Variants in MYO16 observed in about 807,000 individuals in gnomAD.
MYO16 encodes myosin XVI.
Under a neutral mutation model 205.3 loss-of-function variants are expected in MYO16, and 94 were observed. The observed-to-expected ratio is 0.46, with a 90% CI of 0.39 to 0.54. The LOEUF (loss-of-function observed/expected upper bound fraction) is 0.54. Among genes scored for constraint, MYO16 ranks in the 20% least tolerant of loss-of-function variants. The pLI, the probability that MYO16 is intolerant of heterozygous loss-of-function variation, is 0.00. For missense variants in MYO16, 2,315 were observed against 2,387.5 expected, an observed-to-expected ratio of 0.97 and a Z score of 0.63; for synonymous variants, 988 against 954.0, an observed-to-expected ratio of 1.04 and a Z score of -0.66.
At chr13:108,980,231 C>T (rs548144695) in intron 20 of MYO16, among the ~76,000 whole-genome samples, 1 of 152,200 alleles carries the variant, frequency 6.6e-6, no homozygotes, top group East Asian at 1.9e-4. Context: ...GCCAAAAAAT[C>T]CATTTAGCAT....
At chr13:108,726,396 T>C (rs1192586428) in intron 3 of MYO16, among the ~76,000 whole-genome samples, 1 of 151,702 alleles carries the variant, frequency 6.6e-6, no homozygotes, top group East Asian at 1.9e-4. Flanking sequence ...CCATCTCTAC[T>C]AAAAATACAA....
intron 22 of MYO16, among the ~76,000 whole-genome samples, chr13:109,015,378 G>A (rs900899804): frequency 6.6e-6 from 1 of 152,108 alleles, no homozygotes; most frequent in African/African-American, 2.4e-5. Flanking sequence ...ATTTTATTGA[G>A]GATTTTCGCA....
chr13:108,701,017 G>T (rs973773362), intron 2 of MYO16, among the ~76,000 whole-genome samples: 1 of 152,104 alleles, frequency 6.6e-6, no homozygotes, highest in Admixed American at 6.5e-5. Context: ...CTAAGCGAAG[G>T]CTGAGAGGTT....
the MYO16 span, among the ~76,000 whole-genome samples, chr13:108,563,056 A>G: frequency 6.6e-6 from 1 of 152,220 alleles, no homozygotes; most frequent in Non-Finnish European, 1.5e-5. Flanking sequence ...TGTGACATCC[A>G]ATTGCCTTAC....
rs370234193 is a variant in MYO16, at chr13:108,778,825, G to A, written c.508-6810G>A. On this transcript the variant is annotated intron_variant, in intron 4 of 34. Coordinates refer to ENST00000457511, the MANE Select transcript of MYO16 (RefSeq NM_001198950.3). The stretch of plus-strand genomic sequence containing the variant: ...AGTCAGCAATATGAACTCTCAATAT[G>A]AAAAATTCTTCCAAGGCTGGCATAG... 9.5e-4 allele frequency among the ~76,000 whole-genome samples: 145 copies of A among 152,316 alleles called. 2 individuals carry two copies. In the South Asian group the frequency reaches 0.028, roughly 29 times the overall value.
intron 27 of MYO16, among the ~76,000 whole-genome samples, chr13:109,092,076 T>C (rs1399945140): frequency 6.6e-6 from 1 of 152,222 alleles, no homozygotes; most frequent in Non-Finnish European, 1.5e-5. Flanking sequence ...ACTTCTCAAG[T>C]AGAATTAAAT....
chr13:109,179,501 G>C (rs2038707), intron 33 of MYO16, 41 bp from the exon 34 acceptor site: 209,560 of 1,291,472 alleles, frequency 0.16, 18,799 homozygotes, highest in East Asian at 0.28. Flanking sequence ...TTTGGAACAA[G>C]GAGACACTGC....
chr13:108,568,778 G>A, the MYO16 span, among the ~76,000 whole-genome samples: 1 of 151,638 alleles, frequency 6.6e-6, no homozygotes, highest in African/African-American at 2.4e-5. Flanking sequence ...CTAATCCAAG[G>A]CCACAGAGAT....
At chr13:108,783,584 G>T (rs1354792268) in intron 4 of MYO16, among the ~76,000 whole-genome samples, 1 of 152,136 alleles carries the variant, frequency 6.6e-6, no homozygotes, top group Non-Finnish European at 1.5e-5. Context: ...GGGACCAGGG[G>T]CAGAATGATG....
At chr13:109,076,778 G>A (rs548236999) in intron 27 of MYO16, among the ~76,000 whole-genome samples, 87 of 152,220 alleles carry the variant, frequency 5.7e-4, no homozygotes, top group African/African-American at 2.0e-3. Flanking sequence ...GTCTGGATGA[G>A]TGCACAGCAG....
chr13:108,931,747 G>T (rs565177082), intron 16 of MYO16, among the ~76,000 whole-genome samples: 1 of 152,110 alleles, frequency 6.6e-6, no homozygotes, highest in Non-Finnish European at 1.5e-5. Flanking sequence ...TGTACATGGG[G>T]GTGGGTGGGC....
intron 1 of MYO16, among the ~76,000 whole-genome samples, chr13:108,664,881 T>C (rs989216741): frequency 3.3e-5 from 5 of 152,162 alleles, no homozygotes; most frequent in African/African-American, 7.2e-5. Context: ...GTTTCAGAAA[T>C]GGGAATTCAC....
chr13:109,061,899 A>AT lies in MYO16; in HGVS notation c.3335+6312dup, dbSNP rs751198201. ...AATAATAGAAAAGTGCATTTAGTGT[A>AT]TTTTTTTTCTGTTTCCTTAATGTTA... is the stretch of plus-strand genomic sequence containing the variant. On this transcript the variant is annotated intron_variant, in intron 27 of 34. Coordinates refer to ENST00000457511, the MANE Select transcript of MYO16 (RefSeq NM_001198950.3). 1.1e-4 allele frequency among the ~76,000 whole-genome samples: 17 copies of AT among 151,984 alleles called. No homozygotes were observed. The East Asian group carries it at 3.1e-3, about 28-fold the overall frequency.
At chr13:108,982,764 G>A (rs1241609103) in intron 20 of MYO16, among the ~76,000 whole-genome samples, 1 of 152,110 alleles carries the variant, frequency 6.6e-6, no homozygotes, top group Non-Finnish European at 1.5e-5. Flanking sequence ...ACAGATGGAG[G>A]TTTAGCCTAC....
chr13:109,106,507 C>T (rs545074854), intron 28 of MYO16, among the ~76,000 whole-genome samples: 1 of 152,242 alleles, frequency 6.6e-6, no homozygotes, highest in African/African-American at 2.4e-5. Flanking sequence ...AAATGAAAAC[C>T]TCTGAAGCTA....
intron 1 of MYO16, among the ~76,000 whole-genome samples, chr13:108,648,926 ATC>A (rs1880874604): frequency 6.6e-6 from 1 of 151,444 alleles, no homozygotes; most frequent in Non-Finnish European, 1.5e-5. Flanking sequence ...CTCTCTCTGC[ATC>A]TCTTTCTCTC....
At chr13:108,997,305 A>G (rs1416958289) in intron 21 of MYO16, among the ~76,000 whole-genome samples, 1 of 628 alleles carries the variant, frequency 1.6e-3, no homozygotes, top group African/African-American at 2.1e-3. Flanking sequence ...AGAAAGAAAG[A>G]AAGAAAGAAA....
chr13:108,644,286 C>T (rs1354354869), intron 1 of MYO16, among the ~76,000 whole-genome samples: 1 of 152,112 alleles, frequency 6.6e-6, no homozygotes, highest in African/African-American at 2.4e-5. Flanking sequence ...TCTTACACTC[C>T]CACCACTCCA....
At chr13:108,897,367 C>T (rs1880473471) in intron 14 of MYO16, among the ~76,000 whole-genome samples, 1 of 152,110 alleles carries the variant, frequency 6.6e-6, no homozygotes, top group Admixed American at 6.5e-5. Flanking sequence ...GGAGCTTTAT[C>T]ATAGCGTTGC....
Sources: allele counts gnomAD v4.1 joint callset (sites outside exome capture counted in the v4.1 genomes callset), GRCh38; gene constraint gnomAD v4.1.1; transcripts MANE v1.5; gene names NCBI Gene and HGNC (gene_info 2026-07-23, HGNC 2026-07-21).